Variants in ABHD5 observed in about 807,000 individuals in gnomAD.
ABHD5 encodes 1-acylglycerol-3-phosphate O-acyltransferase ABHD5.
A neutral mutation model predicts 44.9 loss-of-function variants in ABHD5; 30 were observed. The observed-to-expected ratio is 0.67, with a 90% CI of 0.50 to 0.91. ABHD5 has a LOEUF of 0.91. ABHD5 is among the 40% of genes least tolerant of loss of function. The pLI is 0.00. For missense variants in ABHD5, 399 were observed against 423.4 expected (o/e 0.94, Z 0.50); for synonymous variants, 167 against 147.0 (o/e 1.14, Z -0.99).
At chr3:43,699,619 A>G in intron 2 of ABHD5, 1 of 370,824 alleles carries the variant, frequency 2.7e-6, no homozygotes, top group Non-Finnish European at 5.0e-6. Flanking sequence ...TTATGGGCTT[A>G]TTATCAATAT....
chr3:43,691,012 A>C lies in ABHD5; in HGVS notation c.20A>C (p.Glu7Ala). MAAEEE[E>A]VDSADTGERS... Reference sequence around the variant, plus strand: ...GCGGCTATGGCGGCGGAGGAGGAGGAGGTGGACTCTGCCGACACCGGAGAG... The same window carrying C: ...GCGGCTATGGCGGCGGAGGAGGAGGCGGTGGACTCTGCCGACACCGGAGAG... Residue 7 changes from glutamate (E) to alanine (A), a missense_variant, in exon 1 of 7, where the codon GAG becomes GCG. Glu to Ala is a moderately radical substitution (Grantham distance 107). Coordinates refer to ENST00000644371, the MANE Select transcript of ABHD5 (RefSeq NM_016006.6). The C allele has an allele frequency of 6.4e-7, 1 of 1,563,602 alleles. No homozygotes were observed. The highest frequency in any genetic ancestry group is 8.6e-7 in the Non-Finnish European group (1 of 1,158,298).
At chr3:43,723,564 C>T (rs551195363), downstream of ABHD5, among the ~76,000 whole-genome samples, 26 of 152,324 alleles carry the variant, frequency 1.7e-4, no homozygotes, top group South Asian at 5.0e-3. Flanking sequence ...CAACCCAACA[C>T]ACCATGTTGA....
chr3:43,728,131 G>A (rs2084890216), intron 7 of ABHD5, among the ~76,000 whole-genome samples: 1 of 152,104 alleles, frequency 6.6e-6, no homozygotes, highest in African/African-American at 2.4e-5. Context: ...CTGAGGACTC[G>A]GTCCTCTCTG....
In ABHD5 at chr3:43,722,122, A is replaced by G. The variant is rs889341202; in HGVS notation, c.*3590A>G. On this transcript the variant is annotated 3_prime_UTR_variant, in exon 7 of 7. Coordinates refer to ENST00000644371, the MANE Select transcript of ABHD5 (RefSeq NM_016006.6). ...CACTTGCAAGAATATGAAATAGTAT[A>G]TGCACAAAGATCTTGATTACAGCAC... is the stretch of plus-strand genomic sequence containing the variant. 6.6e-6 allele frequency: 1 copy of G among 152,254 alleles called. No individual in the cohort carries two copies. Among genetic ancestry groups the G allele is most frequent in the Non-Finnish European group, 1.5e-5 (1 of 68,036 alleles). The allele number at this position is 152,254 out of a possible 1,614,324, so 9.4% of individuals were successfully genotyped here.
rs573823242 is a variant in ABHD5, at chr3:43,728,824, C to G, written c.*30-5056C>G. The stretch of plus-strand genomic sequence containing the variant: ...AGCGCCTAGAGTGGACACCAGTGAG[C>G]CTTACACGTAAAGCCTGCGTGCTTC... On this transcript the variant is annotated intron_variant, in intron 7 of 7. Transcript: ENST00000454293. Among the ~76,000 whole-genome samples, 6 of 152,308 alleles carry G rather than the reference C, an allele frequency of 3.9e-5. No individual in the cohort carries two copies. The East Asian group carries it at 9.7e-4, about 25-fold the overall frequency.
At chr3:43,715,148 A>T (rs530504094) in intron 5 of ABHD5, 90 bp downstream of exon 5, 100 of 903,472 alleles carry the variant, frequency 1.1e-4, no homozygotes, top group African/African-American at 6.3e-4. Flanking sequence ...TATTTTTTTT[A>T]AAACTATTTA....
At chr3:43,732,146 G>A (rs180933099) in intron 7 of ABHD5, among the ~76,000 whole-genome samples, 1 of 152,116 alleles carries the variant, frequency 6.6e-6, no homozygotes, top group South Asian at 2.1e-4. Context: ...GAATAGAGGG[G>A]AGGGCTTGGC....
In ABHD5 at chr3:43,715,166, A is replaced by G. The variant is rs796121034; in HGVS notation, c.773+108A>G. 3.0e-5 allele frequency: 24 copies of G among 794,842 alleles called. No individual in the cohort carries two copies. The East Asian group carries it at 3.6e-4, about 12-fold the overall frequency. 49.2% of individuals were successfully genotyped at this position (794,842 alleles called of 1,614,324 possible). ...TTTTTTTAAAACTATTTATTTATTTATTTATTCATTCAATACGGGGTTTCG... is the reference window on the plus strand; with the variant it reads ...TTTTTTTAAAACTATTTATTTATTTGTTTATTCATTCAATACGGGGTTTCG... On this transcript the variant is annotated intron_variant, in intron 5 of 6. Transcript: ENST00000644371.
chr3:43,717,609 A>G (rs1451689110), intron 5 of ABHD5, 62 bp from the exon 6 acceptor site: 1 of 1,526,192 alleles, frequency 6.6e-7, no homozygotes, highest in African/African-American at 1.4e-5. Flanking sequence ...GATAGAAGTG[A>G]CAGTGCAATG....
chr3:43,691,357 T>G, intron 1 of ABHD5: 217 of 190,644 alleles, frequency 1.1e-3, no homozygotes, highest in East Asian at 2.5e-3. Context: ...GCGACGGAGC[T>G]GGCCGCGGCG....
chr3:43,712,615 C>G (rs1236442299), intron 4 of ABHD5, among the ~76,000 whole-genome samples: 2 of 152,126 alleles, frequency 1.3e-5, no homozygotes, highest in African/African-American at 2.4e-5. Context: ...ACCCAAGAGG[C>G]TTAAACTAGA....
At chr3:43,691,205 C>G in intron 1 of ABHD5, 166 bp downstream of exon 1, 1 of 588,390 alleles carries the variant, frequency 1.7e-6, no homozygotes, top group East Asian at 3.6e-5. Context: ...CAGAGGCGTC[C>G]CGGCGCCGCT....
At chr3:43,696,753 G>A (rs1262034250) in intron 1 of ABHD5, among the ~76,000 whole-genome samples, 1 of 152,164 alleles carries the variant, frequency 6.6e-6, no homozygotes, top group Admixed American at 6.5e-5. Context: ...GATAGTTTCT[G>A]TAAAACATTT....
chr3:43,711,569 C>A, intron 3 of ABHD5, 140 bp from the exon 4 acceptor site: 1 of 887,970 alleles, frequency 1.1e-6, no homozygotes. Flanking sequence ...GAGCATGATA[C>A]GATCTATTTA....
chr3:43,715,128 T>A (rs2084747616), intron 5 of ABHD5, 70 bp downstream of exon 5: 5 of 1,076,488 alleles, frequency 4.6e-6, no homozygotes, highest in Admixed American at 3.5e-5. Context: ...TGTTTGTGTG[T>A]GTTTTAGACT....
chr3:43,710,481 C>T (rs952428226), intron 3 of ABHD5, among the ~76,000 whole-genome samples: 3 of 152,076 alleles, frequency 2.0e-5, no homozygotes, highest in Non-Finnish European at 4.4e-5. Flanking sequence ...TGTTATGTAC[C>T]GGAGCAGGTC....
chr3:43,699,986 CT>C lies in ABHD5; in HGVS notation c.133+626del, dbSNP rs143415248. On this transcript the variant is annotated intron_variant, in intron 2 of 6. Coordinates refer to ENST00000644371, the MANE Select transcript of ABHD5 (RefSeq NM_016006.6). ...TCGAAGAGTCTCAGGGACACCCCCC[CT>C]GACTCTGCTTGAGACTATGCTTTGA... Among the ~76,000 whole-genome samples, 529 of 152,282 alleles carry C rather than the reference CT, an allele frequency of 3.5e-3. 4 individuals carry two copies. Among genetic ancestry groups the C allele is most frequent in the African/African-American group, 0.011 (472 of 41,562 alleles).
intron 3 of ABHD5, among the ~76,000 whole-genome samples, chr3:43,705,691 C>G (rs943781928): frequency 6.6e-6 from 1 of 152,178 alleles, no homozygotes; most frequent in Non-Finnish European, 1.5e-5. Context: ...TTCTCCCTAG[C>G]TTTTTTCCTT....
intron 5 of ABHD5, among the ~76,000 whole-genome samples, chr3:43,717,048 G>A (rs2084771895): frequency 6.6e-6 from 1 of 152,258 alleles, no homozygotes; most frequent in Admixed American, 6.5e-5. Flanking sequence ...GTGCGTGCCT[G>A]TAATCCCAGC....
Sources: gnomAD v4.1 joint callset for allele counts (sites outside exome capture counted in the v4.1 genomes callset) on GRCh38, gnomAD v4.1.1 for gene constraint, MANE v1.5 for transcripts, NCBI Gene and HGNC (gene_info 2026-07-23, HGNC 2026-07-21) for gene names.